C11orf65: variants seen among roughly 807,000 people sequenced by gnomAD.
The protein encoded by C11orf65 is protein MFI.
C11orf65 carries 38 observed loss-of-function variants against 35.3 expected under a neutral mutation model. The ratio of observed to expected loss-of-function variants is 1.08; its 90% CI spans 0.83 to 1.41. C11orf65 has a LOEUF of 1.41. C11orf65 is among the 40% of genes most tolerant of loss of function. C11orf65 has a pLI of 0.00. For synonymous variants in C11orf65, 105 were observed against 114.4 expected, an observed-to-expected ratio of 0.92 and a Z score of 0.53; for missense variants, 370 against 367.1, an observed-to-expected ratio of 1.01 and a Z score of -0.06.
chr11:108,450,204 C>G (rs1051120126), intron 2 of C11orf65, among the ~76,000 whole-genome samples: 1 of 151,910 alleles, frequency 6.6e-6, no homozygotes, highest in Non-Finnish European at 1.5e-5. Flanking sequence ...ACTAGTTCAA[C>G]CATTGTGGAA....
chr11:108,393,148 A>G, intron 7 of C11orf65, 60 bp downstream of exon 7: 1 of 1,495,756 alleles, frequency 6.7e-7, no homozygotes, highest in Non-Finnish European at 9.0e-7. Flanking sequence ...GAAATAGGAA[A>G]TGTTAGAAAA....
chr11:108,447,373 CAT>C (rs2093278750), intron 2 of C11orf65, among the ~76,000 whole-genome samples: 1 of 151,994 alleles, frequency 6.6e-6, no homozygotes, highest in Non-Finnish European at 1.5e-5. Flanking sequence ...AAATTGACCA[CAT>C]AGTTGGAAGT....
At chr11:108,454,062 C>T (rs7115351) in intron 2 of C11orf65, among the ~76,000 whole-genome samples, 32,046 of 151,996 alleles carry the variant, frequency 0.21, 4,140 homozygotes, top group African/African-American at 0.36. Context: ...TTTTCTTTGA[C>T]GGGAGGTTTT....
chr11:108,331,034 C>T (rs1017310661), downstream of C11orf65, among the ~76,000 whole-genome samples: 1 of 152,080 alleles, frequency 6.6e-6, no homozygotes, highest in Non-Finnish European at 1.5e-5. Flanking sequence ...ATAATAGATA[C>T]AGTCAATCTC....
intron 2 of C11orf65, among the ~76,000 whole-genome samples, chr11:108,356,876 GA>G (rs2090001595): frequency 6.6e-6 from 1 of 152,182 alleles, no homozygotes; most frequent in Non-Finnish European, 1.5e-5. Context: ...TTTTGAGTCT[GA>G]AAAGTGATTT....
At chr11:108,425,015 G>A (rs2092879873) in intron 3 of C11orf65, among the ~76,000 whole-genome samples, 1 of 152,180 alleles carries the variant, frequency 6.6e-6, no homozygotes, top group Non-Finnish European at 1.5e-5. Context: ...AGTGTTTAGA[G>A]GGAAATTTAT....
At chr11:108,327,580 T>A, downstream of C11orf65, 1 of 1,336,520 alleles carries the variant, frequency 7.5e-7, no homozygotes, top group Non-Finnish European at 1.1e-6. Context: ...TCCCCGTACA[T>A]GAAGGGCAGT....
chr11:108,395,721 C>T (rs1457769982), intron 6 of C11orf65, among the ~76,000 whole-genome samples: 1 of 148,036 alleles, frequency 6.8e-6, no homozygotes, highest in Non-Finnish European at 1.5e-5. Context: ...CCCGGGTTCA[C>T]GCCAGTCTCC....
chr11:108,467,834 A>T (rs2093557491), upstream of C11orf65, among the ~76,000 whole-genome samples: 1 of 151,934 alleles, frequency 6.6e-6, no homozygotes, highest in Non-Finnish European at 1.5e-5. Flanking sequence ...TTTTTGTAAA[A>T]TTTTTCTTGA....
At chr11:108,448,485 C>T (rs1394698707) in intron 2 of C11orf65, among the ~76,000 whole-genome samples, 1 of 152,132 alleles carries the variant, frequency 6.6e-6, no homozygotes, top group Non-Finnish European at 1.5e-5. Flanking sequence ...TCAACATATG[C>T]AAATGAATAA....
intron 6 of C11orf65, chr11:108,315,716 A>G: frequency 2.5e-6 from 2 of 786,726 alleles, no homozygotes; most frequent in South Asian, 3.0e-5. Context: ...ATAACATAAC[A>G]TTTAGAGTTG....
At chr11:108,430,469 G>A (rs2092971210) in intron 3 of C11orf65, among the ~76,000 whole-genome samples, 2 of 151,688 alleles carry the variant, frequency 1.3e-5, no homozygotes, top group Non-Finnish European at 2.9e-5. Context: ...CGTTAAGATA[G>A]TAAATTTTAT....
At chr11:108,395,977 T>C (rs2092301093) in intron 6 of C11orf65, among the ~76,000 whole-genome samples, 1 of 152,072 alleles carries the variant, frequency 6.6e-6, no homozygotes. Flanking sequence ...GTAAAGCATT[T>C]AGAACAATGA....
chr11:108,410,543 A>G (rs1473269555), intron 3 of C11orf65, among the ~76,000 whole-genome samples: 2 of 151,916 alleles, frequency 1.3e-5, no homozygotes, highest in East Asian at 3.9e-4. Context: ...TTTGTAGGTA[A>G]GGGATTTCTC....
intron 2 of C11orf65, chr11:108,365,523 A>G: frequency 6.2e-7 from 1 of 1,613,418 alleles, no homozygotes; most frequent in Non-Finnish European, 8.5e-7. Context: ...CAGTATATGA[A>G]TTACCCTTTC....
At chr11:108,449,624 C>A (rs1330055153) in intron 2 of C11orf65, among the ~76,000 whole-genome samples, 1 of 151,906 alleles carries the variant, frequency 6.6e-6, no homozygotes, top group Non-Finnish European at 1.5e-5. Flanking sequence ...ACACCTGATA[C>A]AAAAATTAAC....
chr11:108,333,834 T>G, intron 3 of C11orf65: 3 of 1,405,250 alleles, frequency 2.1e-6, no homozygotes, highest in Non-Finnish European at 2.0e-6. Flanking sequence ...CTGCTTGACC[T>G]TCAATGCTGT....
intron 2 of C11orf65, among the ~76,000 whole-genome samples, chr11:108,375,453 C>T (rs2091696179): frequency 6.7e-6 from 1 of 150,248 alleles, no homozygotes; most frequent in African/African-American, 2.4e-5. Flanking sequence ...TTTGTCACCA[C>T]CAGGCCTGCC....
chr11:108,419,106 CAG>C (rs1203869862), intron 3 of C11orf65, among the ~76,000 whole-genome samples: 2 of 152,042 alleles, frequency 1.3e-5, no homozygotes, highest in East Asian at 3.9e-4. Flanking sequence ...AGAAAATAAA[CAG>C]AGTAGAAACA....
Sources: gnomAD v4.1 joint callset for allele counts (sites outside exome capture counted in the v4.1 genomes callset) on GRCh38, gnomAD v4.1.1 for gene constraint, MANE v1.5 for transcripts, NCBI Gene and HGNC (gene_info 2026-07-23, HGNC 2026-07-21) for gene names.